Variants in RAI14 observed in about 807,000 individuals in gnomAD.
The protein encoded by RAI14 is ankycorbin.
In RAI14, 45 loss-of-function variants were observed where a neutral mutation model predicts 115.4. That is an observed-to-expected ratio of 0.39 (90% CI 0.31 to 0.50). The LOEUF is 0.50. RAI14 is among the 20% of genes least tolerant of loss of function. The pLI, the probability that RAI14 is intolerant of heterozygous loss-of-function variation, is 0.85. For synonymous variants in RAI14, 371 were observed against 415.4 expected, an observed-to-expected ratio of 0.89 and a Z score of 1.30; for missense variants, 939 against 1,131.2, an observed-to-expected ratio of 0.83 and a Z score of 2.44.
At chr5:34,668,006 C>T (rs1472033940) in intron 1 of RAI14, among the ~76,000 whole-genome samples, 1 of 152,120 alleles carries the variant, frequency 6.6e-6, no homozygotes, top group East Asian at 1.9e-4. Flanking sequence ...ACAGGAGAGG[C>T]ATACACAGTG....
intron 2 of RAI14, among the ~76,000 whole-genome samples, chr5:34,721,201 T>C (rs1742675531): frequency 6.6e-6 from 1 of 151,610 alleles, no homozygotes; most frequent in Non-Finnish European, 1.5e-5. Flanking sequence ...TCCATAGATA[T>C]TGCTTCTGGT....
intron 7 of RAI14, among the ~76,000 whole-genome samples, chr5:34,810,092 A>T (rs1470901993): frequency 6.6e-6 from 1 of 152,210 alleles, no homozygotes; most frequent in African/African-American, 2.4e-5. Flanking sequence ...TAGTGCCCAG[A>T]AATCTATCTG....
At chr5:34,702,563 T>C (rs1236473282) in intron 2 of RAI14, among the ~76,000 whole-genome samples, 1 of 152,208 alleles carries the variant, frequency 6.6e-6, no homozygotes, top group South Asian at 2.1e-4. Flanking sequence ...TATCCCAGGC[T>C]CTGTTACCTT....
At chr5:34,788,794 A>G (rs546495398) in intron 3 of RAI14, among the ~76,000 whole-genome samples, 1 of 151,988 alleles carries the variant, frequency 6.6e-6, no homozygotes, top group African/African-American at 2.4e-5. Context: ...ACATGGTGAA[A>G]CCCCGTCTCT....
At chr5:34,828,024 T>C (rs1405670368) in intron 16 of RAI14, among the ~76,000 whole-genome samples, 3 of 152,222 alleles carry the variant, frequency 2.0e-5, no homozygotes, top group Non-Finnish European at 4.4e-5. Context: ...GACTGACATA[T>C]GGCACTAGCT....
At chr5:34,751,971 G>A (rs1268932997) in intron 2 of RAI14, among the ~76,000 whole-genome samples, 1 of 152,190 alleles carries the variant, frequency 6.6e-6, no homozygotes, top group African/African-American at 2.4e-5. Context: ...TGCACTCGTT[G>A]AACCTAAGTG....
intron 2 of RAI14, among the ~76,000 whole-genome samples, chr5:34,742,508 G>A (rs1745633516): frequency 6.6e-6 from 1 of 152,088 alleles, no homozygotes; most frequent in South Asian, 2.1e-4. Flanking sequence ...AAACATTGCG[G>A]TAAACAATTG....
chr5:34,662,027 G>A (rs1054658877), intron 1 of RAI14, among the ~76,000 whole-genome samples: 3 of 152,152 alleles, frequency 2.0e-5, no homozygotes, highest in African/African-American at 4.8e-5. Context: ...GGGCTCAGAA[G>A]GTCCTCCTGC....
At chr5:34,814,471 C>A in intron 11 of RAI14, 112 bp from the exon 12 acceptor site, 1 of 732,340 alleles carries the variant, frequency 1.4e-6, no homozygotes, top group South Asian at 1.7e-5. Flanking sequence ...GCCAAGGATA[C>A]TTACTGTTAG....
intron 2 of RAI14, among the ~76,000 whole-genome samples, chr5:34,734,783 C>T (rs1744651567): frequency 6.6e-6 from 1 of 151,910 alleles, no homozygotes; most frequent in African/African-American, 2.4e-5. Context: ...TGCCTCAGCT[C>T]CCGAGTAGCT....
chr5:34,747,008 T>C (rs1437020142), intron 2 of RAI14, among the ~76,000 whole-genome samples: 1 of 152,196 alleles, frequency 6.6e-6, no homozygotes, highest in African/African-American at 2.4e-5. Context: ...GAAGTGCCTT[T>C]TGCCTCCTGC....
At chr5:34,732,127 T>C (rs1000013357) in intron 2 of RAI14, among the ~76,000 whole-genome samples, 2 of 152,174 alleles carry the variant, frequency 1.3e-5, no homozygotes, top group African/African-American at 2.4e-5. Context: ...TCAGCCAGCA[T>C]TGGGCATGCC....
At position 34,827,290 on chromosome 5, in the gene RAI14, C is replaced by T. The variant is rs191768917; in HGVS notation, c.2799+811C>T. Among the ~76,000 whole-genome samples, 17 of 115,224 alleles carry T rather than the reference C, an allele frequency of 1.5e-4. 1 individual carries two copies. Among genetic ancestry groups the T allele is most frequent in the Admixed American group, 5.1e-4 (5 of 9,740 alleles). The allele number at this position is 115,224 out of a possible 152,430, so 75.6% of individuals were successfully genotyped here. On this transcript the variant is annotated intron_variant, in intron 16 of 17. Transcript: ENST00000265109. The surrounding 1 kb of genome is among the most constrained non-coding windows in gnomAD (Gnocchi z 4.2). Reference sequence around the variant, plus strand: ...CCACCTAGATAATCCACGATAATCTCCCTCTCCATCTCAAACCCTTAATTT... The same window carrying T: ...CCACCTAGATAATCCACGATAATCTTCCTCTCCATCTCAAACCCTTAATTT...
intron 12 of RAI14, among the ~76,000 whole-genome samples, chr5:34,817,271 T>C (rs1197149937): frequency 3.9e-5 from 1 of 25,482 alleles, no homozygotes; most frequent in Non-Finnish European, 7.7e-5. Flanking sequence ...ACACTCCATC[T>C]CAAAAAAAAA....
At chr5:34,803,799 T>C (rs1161583570) in intron 5 of RAI14, 23 bp downstream of exon 5, 4 of 1,595,000 alleles carry the variant, frequency 2.5e-6, no homozygotes, top group Non-Finnish European at 3.4e-6. Flanking sequence ...CAACTTAGAA[T>C]TATAAATGTG....
At chr5:34,753,360 T>C (rs1434954670) in intron 2 of RAI14, among the ~76,000 whole-genome samples, 3 of 152,184 alleles carry the variant, frequency 2.0e-5, no homozygotes, top group Non-Finnish European at 2.9e-5. Flanking sequence ...GAGATTTTTT[T>C]TGATGCTTGG....
At chr5:34,750,575 T>G (rs961358684) in intron 2 of RAI14, among the ~76,000 whole-genome samples, 1 of 152,038 alleles carries the variant, frequency 6.6e-6, no homozygotes, top group Non-Finnish European at 1.5e-5. Flanking sequence ...CTTTCTAAAT[T>G]CTGTGTGTAT....
intron 2 of RAI14, among the ~76,000 whole-genome samples, chr5:34,724,059 C>T (rs1489657613): frequency 2.0e-5 from 3 of 152,158 alleles, no homozygotes; most frequent in Admixed American, 2.0e-4. Context: ...CTCTGTTGCC[C>T]AGGCTGGAGT....
intron 4 of RAI14, among the ~76,000 whole-genome samples, chr5:34,803,125 A>G (rs948375726): frequency 1.3e-5 from 2 of 152,214 alleles, no homozygotes; most frequent in African/African-American, 4.8e-5. Flanking sequence ...CTGCATTATC[A>G]TGAATCCACC....
Sources: allele counts gnomAD v4.1 joint callset (sites outside exome capture counted in the v4.1 genomes callset), GRCh38; gene constraint gnomAD v4.1.1; non-coding constraint Gnocchi (gnomAD v3.1); transcripts MANE v1.5; gene names NCBI Gene and HGNC (gene_info 2026-07-23, HGNC 2026-07-21).